Variants in SLC5A6 observed in about 807,000 individuals in gnomAD.
SLC5A6 encodes the protein sodium-dependent multivitamin transporter.
SLC5A6 carries 31 observed loss-of-function variants against 67.9 expected under a neutral mutation model. The ratio of observed to expected loss-of-function variants is 0.46; its 90% CI spans 0.34 to 0.62. The LOEUF (loss-of-function observed/expected upper bound fraction) is 0.62, where lower values mean the gene tolerates loss of function less well. Ranked by LOEUF, SLC5A6 falls within the 20% of genes least tolerant of loss-of-function variation. The pLI is 0.01. For missense variants in SLC5A6, 673 were observed against 812.8 expected, an observed-to-expected ratio of 0.83 and a Z score of 2.09; for synonymous variants, 343 against 331.0, an observed-to-expected ratio of 1.04 and a Z score of -0.39.
At position 27,203,365 on chromosome 2, in the gene SLC5A6, TGAG is replaced by T; in HGVS notation, c.1095-23_1095-21del. 6.2e-7 allele frequency: 1 copy of T among 1,612,790 alleles called. No individual in the cohort carries two copies. The highest frequency in any genetic ancestry group is 1.3e-5 in the African/African-American group (1 of 74,858). On this transcript the variant is annotated intron_variant, in intron 10 of 16. Coordinates refer to ENST00000310574, the MANE Select transcript of SLC5A6 (RefSeq NM_021095.4). ...ATAGTGCTGAAAAAGAGGAAGAGGA[TGAG>T]GAGTTGAGCGAGGCAAAATTGTCAG...
In SLC5A6 at chr2:27,201,898, A is replaced by G. The variant is rs377000134; in HGVS notation, c.1363-51T>C. 5.2e-5 allele frequency: 83 copies of G among 1,610,202 alleles called. No individual in the cohort carries two copies. In the East Asian group the frequency reaches 1.7e-3, roughly 33 times the overall value. On this transcript the variant is annotated intron_variant, in intron 13 of 16. Transcript: ENST00000310574. ...CACAAGGCCAGTCCTGCCAGCCCTC[A>G]CGGCAGTCCTCAGCTCTCCTGGTGA... is the stretch of plus-strand genomic sequence containing the variant.
chr2:27,208,065 G>GAA, intron 2 of SLC5A6, among the ~76,000 whole-genome samples: 1 of 152,284 alleles, frequency 6.6e-6, no homozygotes, highest in South Asian at 2.1e-4. Flanking sequence ...AGTACCAAAA[G>GAA]AAAAATAAAC....
Position 27,202,068 on chromosome 2 carries a change from T to A in SLC5A6, c.1282A>T (p.Ile428Phe). 6.2e-7 allele frequency: 1 copy of A among 1,613,166 alleles called. No individual in the cohort carries two copies. The highest frequency in any genetic ancestry group is 8.5e-7 in the Non-Finnish European group (1 of 1,179,192). Reference sequence around the variant, plus strand: ...CCCCCAACCATGCCAAAGATGCTGATTGCTGCCTAGGAGGACAGGGTGAGA... The same window carrying A: ...CCCCCAACCATGCCAAAGATGCTGAATGCTGCCTAGGAGGACAGGGTGAGA... ...SQMGPVLQAAISIFGMVGGPL... is the reference protein window; with the variant it reads ...SQMGPVLQAAFSIFGMVGGPL... Residue 428 changes from isoleucine to phenylalanine, a missense_variant, in exon 13 of 17, where the codon ATC (isoleucine) becomes TTC (phenylalanine). Coordinates refer to ENST00000310574, the MANE Select transcript of SLC5A6 (RefSeq NM_021095.4).
intron 2 of SLC5A6, among the ~76,000 whole-genome samples, chr2:27,209,987 T>C (rs1054663365): frequency 3.3e-5 from 5 of 152,180 alleles, no homozygotes; most frequent in Non-Finnish European, 4.4e-5. Context: ...TTTACTGCTA[T>C]GATAGAGATG....
intron 6 of SLC5A6, 115 bp downstream of exon 6, chr2:27,205,911 T>G (rs1417443738): frequency 1.3e-6 from 1 of 786,390 alleles, no homozygotes; most frequent in East Asian, 2.6e-5. Context: ...CACCCCAGAA[T>G]TTCACCTATT....
At chr2:27,201,488 C>G (rs370762620) in intron 14 of SLC5A6, 35 bp from the exon 15 acceptor site, 2 of 1,484,030 alleles carry the variant, frequency 1.3e-6, no homozygotes, top group Admixed American at 3.4e-5. Flanking sequence ...ATTAGCAATT[C>G]GTTGGCAGGG....
Position 27,207,679 on chromosome 2 carries a change from A to G in SLC5A6, c.-29T>C. 6.3e-7 allele frequency: 1 copy of G among 1,589,336 alleles called. No homozygotes were observed. The highest frequency in any genetic ancestry group is 8.6e-7 in the Non-Finnish European group (1 of 1,164,560). Reference sequence around the variant, plus strand: ...CTCACTGTGTCTGTGATCTGCAGCCAGTTGCTGCTCCAGGGCTCTGGGGTA... The same window carrying G: ...CTCACTGTGTCTGTGATCTGCAGCCGGTTGCTGCTCCAGGGCTCTGGGGTA... On this transcript the variant is annotated 5_prime_UTR_variant, in exon 3 of 17. Transcript: ENST00000310574. The surrounding 1 kb of genome is among the most constrained non-coding windows in gnomAD (Gnocchi z 5.5).
chr2:27,205,989 C>T, intron 6 of SLC5A6, 37 bp downstream of exon 6: 1 of 1,491,462 alleles, frequency 6.7e-7, no homozygotes, highest in Non-Finnish European at 9.4e-7. Flanking sequence ...CTTACTTCAT[C>T]CCTTCCCCTC....
chr2:27,200,746 T>C (rs546863920), intron 16 of SLC5A6, among the ~76,000 whole-genome samples, 167 bp from the exon 17 acceptor site: 3 of 147,406 alleles, frequency 2.0e-5, no homozygotes, highest in African/African-American at 7.4e-5. Context: ...GAGCACAGGG[T>C]GGGCTGGGGA....
intron 11 of SLC5A6, 125 bp downstream of exon 11, chr2:27,203,108 T>G (rs1673780286): frequency 6.5e-7 from 1 of 1,528,660 alleles, no homozygotes; most frequent in South Asian, 1.3e-5. Context: ...CAGGGAAGGT[T>G]GTGTGCTTCA....
At chr2:27,201,287 A>G (rs943999122) in intron 15 of SLC5A6, 63 bp downstream of exon 15, 2 of 1,156,088 alleles carry the variant, frequency 1.7e-6, no homozygotes, top group Non-Finnish European at 2.6e-6. Context: ...TTCTCCCTAG[A>G]GTCCCTTAGG....
intron 8 of SLC5A6, 30 bp downstream of exon 8, chr2:27,204,761 G>A: frequency 6.2e-7 from 1 of 1,613,710 alleles, no homozygotes; most frequent in Non-Finnish European, 8.5e-7. Flanking sequence ...CCTAGACCTT[G>A]CTCCACTCCC....
rs543693958 is a variant in SLC5A6, at chr2:27,203,595, G to A, written c.1094+184C>T. 7.9e-5 allele frequency among the ~76,000 whole-genome samples: 12 copies of A among 152,286 alleles called. No individual in the cohort carries two copies. In the South Asian group the frequency reaches 2.3e-3, roughly 29 times the overall value. On this transcript the variant is annotated intron_variant, in intron 10 of 16. Coordinates refer to ENST00000310574, the MANE Select transcript of SLC5A6 (RefSeq NM_021095.4). ...CATAAAAGAACTCTTAACCAAAACA[G>A]GGGTATCTCTGTTGTGCTGTGGCCT...
rs771959022 is a variant in SLC5A6 at position 27,200,419 on chromosome 2, G to A, written c.*17C>T. The A allele has an allele frequency of 2.6e-5, 41 of 1,600,832 alleles. No homozygotes were observed. Among genetic ancestry groups the A allele is most frequent in the Non-Finnish European group, 2.6e-5 (31 of 1,173,084 alleles). On this transcript the variant is annotated 3_prime_UTR_variant, in exon 17 of 17. Coordinates refer to ENST00000310574, the MANE Select transcript of SLC5A6 (RefSeq NM_021095.4). ...GGCCTGGCACAGTGAGGACAGAGGCGGGGTCCTGAGTCAACATCACAGGGA... is the reference window on the plus strand; with the variant it reads ...GGCCTGGCACAGTGAGGACAGAGGCAGGGTCCTGAGTCAACATCACAGGGA...
chr2:27,205,517 C>T lies in SLC5A6; in HGVS notation c.580-13G>A. On this transcript the variant is annotated splice_polypyrimidine_tract_variant and intron_variant, in intron 6 of 16. Coordinates refer to ENST00000310574, the MANE Select transcript of SLC5A6 (RefSeq NM_021095.4). ...CCTTCAGCCCACCCTGCAAGGAAAG[C>T]ACAGCAAACCTGCCACAGAGGCCTT... The T allele has an allele frequency of 6.2e-7, 1 of 1,614,044 alleles. No individual in the cohort carries two copies. The highest frequency in any genetic ancestry group is 8.5e-7 in the Non-Finnish European group (1 of 1,179,944).
chr2:27,212,742 C>T, upstream of SLC5A6: 4 of 1,000,134 alleles, frequency 4.0e-6, no homozygotes, highest in South Asian at 8.0e-5. Flanking sequence ...GGGTCCTCTG[C>T]CTCTTGTGTA....
chr2:27,212,499 C>T (rs773378990), upstream of SLC5A6: 9 of 1,543,928 alleles, frequency 5.8e-6, no homozygotes, highest in African/African-American at 9.8e-5. Context: ...CGGGCTGAAG[C>T]AGGGTCGCTG....
Position 27,206,543 on chromosome 2 carries a change from T to C in SLC5A6, c.460-9A>G, listed in dbSNP as rs1253627552. The C allele has an allele frequency of 1.2e-6, 2 of 1,613,696 alleles. No homozygotes were observed. Among genetic ancestry groups the C allele is most frequent in the Admixed American group, 1.7e-5 (1 of 60,006 alleles). ...ACTCCCATGTAGATCACCTGTTGCA[T>C]GTGGAAAAAATGTGATGGGGGCCGG... On this transcript the variant is annotated splice_polypyrimidine_tract_variant and intron_variant, in intron 4 of 16. Coordinates refer to ENST00000310574, the MANE Select transcript of SLC5A6 (RefSeq NM_021095.4).
At chr2:27,205,324 C>T (rs1366815837) in intron 7 of SLC5A6, 26 bp downstream of exon 7, 5 of 1,610,756 alleles carry the variant, frequency 3.1e-6, no homozygotes, top group Non-Finnish European at 4.2e-6. Flanking sequence ...ACTGCAGACC[C>T]CAGCCAGGAG....
Sources: gnomAD v4.1 joint callset for allele counts (sites outside exome capture counted in the v4.1 genomes callset) on GRCh38, gnomAD v4.1.1 for gene constraint, Gnocchi (gnomAD v3.1) non-coding constraint, MANE v1.5 for transcripts, NCBI Gene and HGNC (gene_info 2026-07-23, HGNC 2026-07-21) for gene names.